Variants in TENM2 observed in about 807,000 individuals in gnomAD.
TENM2 encodes the protein teneurin-2.
In TENM2, 52 loss-of-function variants were observed where a neutral mutation model predicts 245.2. The ratio of observed to expected loss-of-function variants is 0.21; its 90% confidence interval spans 0.17 to 0.27. The LOEUF (loss-of-function observed/expected upper bound fraction) is 0.27, where lower values mean the gene tolerates loss of function less well. Among genes scored for constraint, TENM2 ranks in the 10% least tolerant of loss-of-function variants. The pLI, the probability that TENM2 is intolerant of heterozygous loss-of-function variation, is 1.00. For synonymous variants in TENM2, 1,363 were observed against 1,438.9 expected, an observed-to-expected ratio of 0.95 and a Z score of 1.19; for missense variants, 3,046 against 3,666.8, an observed-to-expected ratio of 0.83 and a Z score of 4.37.
the TENM2 span, among the ~76,000 whole-genome samples, chr5:167,043,557 A>G: frequency 6.6e-6 from 1 of 152,148 alleles, no homozygotes; most frequent in African/African-American, 2.4e-5. Flanking sequence ...GGGATACCTA[A>G]TTGTGTGAGA....
At chr5:167,947,034 C>A (rs1779682238) in intron 3 of TENM2, among the ~76,000 whole-genome samples, 1 of 152,128 alleles carries the variant, frequency 6.6e-6, no homozygotes, top group Non-Finnish European at 1.5e-5. Flanking sequence ...TTAATAGCTC[C>A]TGGCCACGTC....
chr5:168,048,438 T>C (rs1263264171), intron 6 of TENM2, among the ~76,000 whole-genome samples: 4 of 152,204 alleles, frequency 2.6e-5, no homozygotes, highest in African/African-American at 9.7e-5. Context: ...CCTACAGGGA[T>C]ATTTCAAAGA....
At chr5:168,118,667 C>G (rs897523970) in intron 10 of TENM2, among the ~76,000 whole-genome samples, 181 bp downstream of exon 12, 3 of 152,188 alleles carry the variant, frequency 2.0e-5, no homozygotes, top group African/African-American at 7.2e-5. Context: ...CAAGAAAAGC[C>G]TATGGAGATG....
chr5:168,074,652 GTCTCCTCCTC>G (rs1791307274), intron 7 of TENM2, among the ~76,000 whole-genome samples: 1 of 152,112 alleles, frequency 6.6e-6, no homozygotes, highest in African/African-American at 2.4e-5. Context: ...TTAACCACCA[GTCTCCTCCTC>G]ACTCCCTGGA....
chr5:167,225,121 T>C, the TENM2 span, among the ~76,000 whole-genome samples: 11 of 151,996 alleles, frequency 7.2e-5, no homozygotes, highest in African/African-American at 2.7e-4. Flanking sequence ...TTGATTTTTC[T>C]CAATGTAAGA....
the TENM2 span, among the ~76,000 whole-genome samples, chr5:167,219,958 T>TGAG: frequency 6.6e-6 from 1 of 152,238 alleles, no homozygotes; most frequent in East Asian, 1.9e-4. Flanking sequence ...GTTTTAATGC[T>TGAG]GTTATTGATT....
intron 2 of TENM2, among the ~76,000 whole-genome samples, chr5:167,643,837 A>C (rs898169656): frequency 1.3e-5 from 2 of 152,250 alleles, no homozygotes; most frequent in African/African-American, 4.8e-5. Context: ...CTATGATGCA[A>C]ATACGTGTTA....
chr5:167,596,502 TA>T (rs1364919703), intron 2 of TENM2, among the ~76,000 whole-genome samples: 1 of 151,922 alleles, frequency 6.6e-6, no homozygotes, highest in Admixed American at 6.6e-5. Flanking sequence ...AAATAAAAAA[TA>T]AAAATGCAGG....
At chr5:167,643,688 TC>T (rs1319531872) in intron 2 of TENM2, among the ~76,000 whole-genome samples, 1 of 152,132 alleles carries the variant, frequency 6.6e-6, no homozygotes, top group African/African-American at 2.4e-5. Context: ...AGAAAACAAG[TC>T]AATGTTGGCT....
chr5:167,340,947 G>T (rs986770446), intron 1 of TENM2, among the ~76,000 whole-genome samples: 6 of 152,150 alleles, frequency 3.9e-5, no homozygotes, highest in African/African-American at 1.4e-4. Flanking sequence ...TGGAGAAGAA[G>T]TGGGAGCTTG....
the TENM2 span, among the ~76,000 whole-genome samples, chr5:167,151,078 A>G: frequency 5.3e-5 from 8 of 152,184 alleles, no homozygotes; most frequent in Non-Finnish European, 1.5e-5. Context: ...TGAATTTAAC[A>G]TGTATTTTAT....
chr5:167,142,800 T>C, the TENM2 span, among the ~76,000 whole-genome samples: 1 of 152,202 alleles, frequency 6.6e-6, no homozygotes, highest in African/African-American at 2.4e-5. Context: ...TCCGTCCACC[T>C]TGGACTCCCA....
In TENM2 at chr5:167,317,551, G is replaced by A. The variant is rs544160018; in HGVS notation, c.226+32488G>A. Among the ~76,000 whole-genome samples, 10 of 152,204 alleles carry A rather than the reference G, an allele frequency of 6.6e-5. No individual in the cohort carries two copies. The East Asian group carries it at 7.7e-4, about 12-fold the overall frequency. The stretch of plus-strand genomic sequence containing the variant: ...ATTCCTTTTGTGTGTTGTGCTCAAC[G>A]GAAATTTTCCACATCTCCATCTCTG... On this transcript the variant is annotated intron_variant, in intron 1 of 28. Transcript: ENST00000518659.
intron 22 of TENM2, among the ~76,000 whole-genome samples, 191 bp from the exon 25 acceptor site, chr5:168,217,934 T>C (rs1763344429): frequency 6.6e-6 from 1 of 152,168 alleles, no homozygotes; most frequent in Non-Finnish European, 1.5e-5. Context: ...TATATTATAT[T>C]ATCTCTTCTT....
the TENM2 span, among the ~76,000 whole-genome samples, chr5:167,114,216 A>AGT: frequency 6.6e-6 from 1 of 152,176 alleles, no homozygotes; most frequent in African/African-American, 2.4e-5. Flanking sequence ...TCGAGTTTAT[A>AGT]GTATATATAT....
chr5:167,925,111 T>G (rs1460148778), intron 3 of TENM2, among the ~76,000 whole-genome samples: 2 of 152,128 alleles, frequency 1.3e-5, no homozygotes, highest in African/African-American at 4.8e-5. Context: ...AACCCCAAGC[T>G]GGAAATAAAT....
the TENM2 span, among the ~76,000 whole-genome samples, chr5:167,235,171 C>A: frequency 2.0e-5 from 3 of 152,124 alleles, no homozygotes; most frequent in African/African-American, 7.2e-5. Context: ...ACATGGTAAT[C>A]CCTCTGTGCT....
chr5:166,986,664 T>C, the TENM2 span, among the ~76,000 whole-genome samples: 1 of 152,206 alleles, frequency 6.6e-6, no homozygotes, highest in East Asian at 1.9e-4. Flanking sequence ...ATTTGGAAGC[T>C]GTCCTCTAGG....
At chr5:167,744,762 G>A (rs1163272457) in intron 2 of TENM2, among the ~76,000 whole-genome samples, 1 of 152,040 alleles carries the variant, frequency 6.6e-6, no homozygotes, top group Non-Finnish European at 1.5e-5. Context: ...TTTAATTGAT[G>A]TATTGTGGAC....
Sources: gnomAD v4.1 joint callset for allele counts (sites outside exome capture counted in the v4.1 genomes callset) on GRCh38, gnomAD v4.1.1 for gene constraint, MANE v1.5 for transcripts, NCBI Gene and HGNC (gene_info 2026-07-23, HGNC 2026-07-21) for gene names.